Variants in SEL1L2 observed in about 807,000 individuals in gnomAD.
SEL1L2 encodes the protein SEL1L2 adaptor subunit of SYVN1 ubiquitin ligase, also known as protein sel-1 homolog 2.
Under a neutral mutation model 98.8 loss-of-function variants are expected in SEL1L2, and 89 were observed. That is an observed-to-expected ratio of 0.90 (90% CI 0.76 to 1.07). SEL1L2 has a LOEUF of 1.07. Ranked by LOEUF, SEL1L2 falls within the 50% of genes least tolerant of loss-of-function variation. The pLI, the probability that SEL1L2 is intolerant of heterozygous loss-of-function variation, is 0.00. For synonymous variants in SEL1L2, 262 were observed against 278.5 expected (o/e 0.94, Z 0.59); for missense variants, 788 against 812.0 (o/e 0.97, Z 0.36).
intron 5 of SEL1L2, among the ~76,000 whole-genome samples, chr20:13,895,778 T>A (rs2047397137): frequency 6.6e-6 from 1 of 152,174 alleles, no homozygotes; most frequent in Non-Finnish European, 1.5e-5. Flanking sequence ...ATAAAAGTTA[T>A]CCAAATTGGA....
intron 2 of SEL1L2, among the ~76,000 whole-genome samples, chr20:13,932,375 T>G (rs1390597363): frequency 6.6e-6 from 1 of 150,916 alleles, no homozygotes; most frequent in Non-Finnish European, 1.5e-5. Context: ...TCTGGGTAAA[T>G]TATACTGAAA....
chr20:13,866,845 A>G lies in SEL1L2; in HGVS notation c.1261T>C (p.Ser421Pro). ...FQLGFMYYSG[S>P]GIWKDYKLAF... ...AGTTTATAATCCTTCCATATTCCAG[A>G]GCCAGCTGAAAATTAAAATTGTTTT... is the stretch of plus-strand genomic sequence containing the variant. The change falls in exon 15 of 20, where the codon TCT becomes CCT. Residue 421 changes from serine (S) to proline (P), a missense_variant. Coordinates refer to ENST00000284951, the MANE Select transcript of SEL1L2 (RefSeq NM_025229.2). The G allele has an allele frequency of 6.2e-7, 1 of 1,601,898 alleles. No individual in the cohort carries two copies. The highest frequency in any genetic ancestry group is 1.1e-5 in the South Asian group (1 of 88,228).
intron 1 of SEL1L2, among the ~76,000 whole-genome samples, chr20:13,963,647 T>C (rs1221485967): frequency 6.6e-6 from 1 of 151,630 alleles, no homozygotes; most frequent in Non-Finnish European, 1.5e-5. Context: ...ACCCGGGAGG[T>C]AGAGGCTGCA....
chr20:13,886,361 T>A lies in SEL1L2; in HGVS notation c.827A>T (p.Asn276Ile). The A allele has an allele frequency of 6.2e-7, 1 of 1,613,310 alleles. No individual in the cohort carries two copies. Among genetic ancestry groups the A allele is most frequent in the South Asian group, 1.1e-5 (1 of 91,070 alleles). The part of the protein sequence containing the change: ...LTERPENLSS[N>I]SEILDWDIYQ... Reference sequence around the variant, plus strand: ...TATGTCCCAATCCAAAATCTCACTGTTAGAACTCAGATTTTCAGGTCTTTC... The same window carrying A: ...TATGTCCCAATCCAAAATCTCACTGATAGAACTCAGATTTTCAGGTCTTTC... Residue 276 changes from asparagine to isoleucine, a missense_variant, in exon 9 of 20, where the codon AAC (asparagine) becomes ATC (isoleucine). By Grantham distance (149) the Asn-to-Ile change is moderately radical (BLOSUM62 -3). Transcript: ENST00000284951.
chr20:13,985,176 T>C (rs2052101989), intron 1 of SEL1L2, among the ~76,000 whole-genome samples: 1 of 152,152 alleles, frequency 6.6e-6, no homozygotes, highest in African/African-American at 2.4e-5. Context: ...TCTATTCATG[T>C]TCTTCAAGGA....
chr20:13,937,972 C>G (rs772975055), intron 2 of SEL1L2, among the ~76,000 whole-genome samples: 1 of 152,110 alleles, frequency 6.6e-6, no homozygotes, highest in Non-Finnish European at 1.5e-5. Context: ...CCTAGAGACA[C>G]TTCCAAAGTA....
chr20:13,929,249 C>G (rs1437551484), intron 3 of SEL1L2, among the ~76,000 whole-genome samples: 1 of 149,214 alleles, frequency 6.7e-6, no homozygotes, highest in Non-Finnish European at 1.5e-5. Context: ...GTATAGACAT[C>G]TCCTACTATT....
chr20:13,869,237 G>A (rs1277206173), intron 14 of SEL1L2, among the ~76,000 whole-genome samples: 1 of 151,988 alleles, frequency 6.6e-6, no homozygotes, highest in Non-Finnish European at 1.5e-5. Flanking sequence ...CGTGAGTGTC[G>A]TACTTGCTTC....
intron 4 of SEL1L2, among the ~76,000 whole-genome samples, chr20:13,917,122 C>T (rs1341893446): frequency 1.3e-5 from 2 of 152,122 alleles, no homozygotes; most frequent in Admixed American, 6.5e-5. Context: ...GGCTCCCATG[C>T]TATAGTTAGG....
chr20:13,926,277 T>C (rs1367484390), intron 3 of SEL1L2, among the ~76,000 whole-genome samples: 5 of 151,996 alleles, frequency 3.3e-5, no homozygotes, highest in Admixed American at 1.3e-4. Context: ...ATGGCGCCAC[T>C]GCACTCCAGC....
At chr20:13,964,717 G>A (rs906189718) in intron 1 of SEL1L2, among the ~76,000 whole-genome samples, 1 of 151,962 alleles carries the variant, frequency 6.6e-6, no homozygotes. Context: ...GCTTTCCAAA[G>A]TGCTGGCGGC....
chr20:13,905,309 C>CTTT (rs34326096), intron 5 of SEL1L2, among the ~76,000 whole-genome samples: 7 of 132,966 alleles, frequency 5.3e-5, no homozygotes, highest in South Asian at 2.3e-4. Context: ...TGTCCTATAA[C>CTTT]TTTTTTTTTT....
At chr20:13,995,277 C>T, upstream of SEL1L2, 1 of 232,246 alleles carries the variant, frequency 4.3e-6, no homozygotes, top group South Asian at 4.9e-5. The surrounding 1 kb of genome is among the most constrained non-coding windows in gnomAD (Gnocchi z 4.3). Flanking sequence ...CAGCTCCAGC[C>T]CCCTCGCTCC....
intron 3 of SEL1L2, among the ~76,000 whole-genome samples, chr20:13,926,421 C>T (rs572777361): frequency 5.5e-4 from 84 of 152,316 alleles, no homozygotes; most frequent in African/African-American, 1.9e-3. Flanking sequence ...GATGCGGGCT[C>T]ACTTGGCTGC....
At chr20:13,914,442 CAG>C (rs1289389735) in intron 4 of SEL1L2, among the ~76,000 whole-genome samples, 2 of 152,140 alleles carry the variant, frequency 1.3e-5, no homozygotes, top group Non-Finnish European at 1.5e-5. Context: ...ATTTGCTAAA[CAG>C]AATATATTCT....
intron 1 of SEL1L2, among the ~76,000 whole-genome samples, chr20:13,971,200 T>C (rs1248069747): frequency 1.3e-5 from 2 of 152,170 alleles, no homozygotes; most frequent in Non-Finnish European, 2.9e-5. Context: ...ATGTTGTAAA[T>C]ATATTCTTCA....
intron 18 of SEL1L2, among the ~76,000 whole-genome samples, chr20:13,855,601 G>T (rs949230941): frequency 6.6e-6 from 1 of 152,182 alleles, no homozygotes; most frequent in Non-Finnish European, 1.5e-5. Context: ...ATTCCAAAGC[G>T]TATGTTCCTG....
chr20:13,854,391 G>A (rs6042391), intron 18 of SEL1L2, among the ~76,000 whole-genome samples: 17,359 of 152,112 alleles, frequency 0.11, 1,086 homozygotes, highest in African/African-American at 0.16. Flanking sequence ...TATGTTTCTC[G>A]TACTCCATGG....
chr20:13,891,215 A>G (rs1224767529), intron 5 of SEL1L2, among the ~76,000 whole-genome samples: 1 of 152,232 alleles, frequency 6.6e-6, no homozygotes, highest in African/African-American at 2.4e-5. Context: ...ACACATTACA[A>G]TCAAGTTTTC....
Sources: allele counts gnomAD v4.1 joint callset (sites outside exome capture counted in the v4.1 genomes callset), GRCh38; gene constraint gnomAD v4.1.1; non-coding constraint Gnocchi (gnomAD v3.1); transcripts MANE v1.5; gene names NCBI Gene and HGNC (gene_info 2026-07-23, HGNC 2026-07-21).